CALN1: variants seen among roughly 807,000 people sequenced by gnomAD.
CALN1 encodes calcium-binding protein 8.
Under a neutral mutation model 30.6 loss-of-function variants are expected in CALN1, and 17 were observed. That is an observed-to-expected ratio of 0.56 (90% CI 0.38 to 0.83). CALN1 has a LOEUF of 0.83. CALN1 is among the 40% of genes least tolerant of loss of function. The probability of loss-of-function intolerance (pLI) is 0.00; values close to 1 mark genes in which losing one functional copy is unlikely to be tolerated. For synonymous variants in CALN1, 156 were observed against 131.4 expected (o/e 1.19, Z -1.28); for missense variants, 291 against 354.9 (o/e 0.82, Z 1.45).
At chr7:71,863,189 A>G (rs1791392445) in intron 5 of CALN1, among the ~76,000 whole-genome samples, 1 of 151,596 alleles carries the variant, frequency 6.6e-6, no homozygotes. Context: ...GGCCTGGGAG[A>G]TGGAGGCTGC....
the CALN1 span, among the ~76,000 whole-genome samples, chr7:72,467,993 G>T: frequency 6.6e-6 from 1 of 152,246 alleles, no homozygotes; most frequent in South Asian, 2.1e-4. Flanking sequence ...CTTGTAAATG[G>T]AATCATATAG....
chr7:72,054,468 C>T (rs13311911), intron 4 of CALN1, among the ~76,000 whole-genome samples: 7 of 123,074 alleles, frequency 5.7e-5, no homozygotes, highest in Admixed American at 1.9e-4. Flanking sequence ...CATATATATA[C>T]ATATATACAT....
At chr7:72,156,408 C>A (rs771650730) in intron 3 of CALN1, among the ~76,000 whole-genome samples, 1 of 152,158 alleles carries the variant, frequency 6.6e-6, no homozygotes, top group Non-Finnish European at 1.5e-5. Flanking sequence ...AGGCACTCTC[C>A]GGCAGCATCT....
intron 2 of CALN1, among the ~76,000 whole-genome samples, chr7:72,312,678 T>C (rs1445619752): frequency 6.6e-6 from 1 of 151,938 alleles, no homozygotes; most frequent in African/African-American, 2.4e-5. Context: ...AGAAGGACAA[T>C]GGCATCATTG....
At chr7:72,329,824 C>G (rs1436975421) in intron 2 of CALN1, among the ~76,000 whole-genome samples, 1 of 151,690 alleles carries the variant, frequency 6.6e-6, no homozygotes, top group African/African-American at 2.4e-5. Flanking sequence ...CGTGGTGCCA[C>G]GCACCTGTAA....
chr7:72,166,200 T>TTTTGTTTG (rs374795286), intron 3 of CALN1, among the ~76,000 whole-genome samples: 1 of 152,086 alleles, frequency 6.6e-6, no homozygotes, highest in African/African-American at 2.4e-5. Flanking sequence ...GGTTTCTGTT[T>TTTTGTTTG]TTTGTTTGTT....
At chr7:71,821,424 T>C (rs1562809877) in intron 5 of CALN1, among the ~76,000 whole-genome samples, 1 of 151,918 alleles carries the variant, frequency 6.6e-6, no homozygotes, top group Non-Finnish European at 1.5e-5. Flanking sequence ...TGGTGGAAGG[T>C]GAAAGTCATG....
intron 3 of CALN1, among the ~76,000 whole-genome samples, chr7:72,224,207 AAAAAT>A (rs2129550100): frequency 6.6e-6 from 1 of 152,344 alleles, no homozygotes; most frequent in East Asian, 1.9e-4. Flanking sequence ...TTTTAAATTA[AAAAAT>A]AAAATCTTCT....
chr7:71,864,700 C>G lies in CALN1; in HGVS notation c.502-54208G>C, dbSNP rs148401882. Among the ~76,000 whole-genome samples the G allele has an allele frequency of 7.9e-3, 1,206 of 152,224 alleles. 13 individuals are homozygous for G. The highest frequency in any genetic ancestry group is 0.027 in the African/African-American group (1,132 of 41,552). ...AAGTTTGTGGCAATCTATTATACAA[C>G]AATAGAAAATAAATGCACTGGCCAG... On this transcript the variant is annotated intron_variant, in intron 5 of 6. Transcript: ENST00000395275.
At chr7:72,247,909 G>A (rs1328538614) in intron 3 of CALN1, among the ~76,000 whole-genome samples, 2 of 152,184 alleles carry the variant, frequency 1.3e-5, no homozygotes, top group African/African-American at 2.4e-5. Flanking sequence ...GAGACAGGAG[G>A]ATGGCTTGAG....
At chr7:72,149,905 G>C (rs776062491) in intron 3 of CALN1, among the ~76,000 whole-genome samples, 1 of 151,858 alleles carries the variant, frequency 6.6e-6, no homozygotes, top group Non-Finnish European at 1.5e-5. Context: ...CCTGAGGTCA[G>C]GAATTCGAGA....
intron 6 of CALN1, among the ~76,000 whole-genome samples, chr7:71,791,407 T>A (rs937255700): frequency 1.3e-5 from 2 of 152,118 alleles, no homozygotes; most frequent in Non-Finnish European, 2.9e-5. Flanking sequence ...ACAGGAACAT[T>A]AATGGTGCTG....
chr7:72,407,202 T>C (rs1166896625), intron 1 of CALN1, among the ~76,000 whole-genome samples: 1 of 152,234 alleles, frequency 6.6e-6, no homozygotes, highest in African/African-American at 2.4e-5. Context: ...AGGGGCTGTG[T>C]GACCTTGGGC....
At chr7:72,096,221 G>C (rs1395157694) in intron 4 of CALN1, among the ~76,000 whole-genome samples, 1 of 152,156 alleles carries the variant, frequency 6.6e-6, no homozygotes, top group Non-Finnish European at 1.5e-5. Flanking sequence ...ATGGAGGAGA[G>C]AGGACACCAG....
At chr7:72,107,712 T>C (rs1368652209) in intron 3 of CALN1, among the ~76,000 whole-genome samples, 2 of 152,214 alleles carry the variant, frequency 1.3e-5, no homozygotes, top group Non-Finnish European at 2.9e-5. Context: ...AGCCCAGATA[T>C]GTCAGCTGCC....
chr7:72,280,846 T>C (rs897068971), intron 2 of CALN1, among the ~76,000 whole-genome samples: 23 of 152,136 alleles, frequency 1.5e-4, no homozygotes, highest in Admixed American at 1.5e-3. Context: ...GAGTTCCTTA[T>C]AAAAGGATGA....
intron 5 of CALN1, among the ~76,000 whole-genome samples, chr7:71,811,019 G>A (rs893877658): frequency 3.4e-5 from 5 of 149,202 alleles, no homozygotes; most frequent in East Asian, 4.1e-4. Flanking sequence ...CTCAGCCTCC[G>A]TAGTAGCTGG....
chr7:71,854,920 T>C (rs576775705), intron 5 of CALN1, among the ~76,000 whole-genome samples: 14 of 152,344 alleles, frequency 9.2e-5, no homozygotes, highest in Admixed American at 5.9e-4. Flanking sequence ...TCACAGTTCT[T>C]TGATACATCT....
chr7:72,389,167 G>A (rs972202845), intron 2 of CALN1, among the ~76,000 whole-genome samples: 1 of 152,132 alleles, frequency 6.6e-6, no homozygotes, highest in Non-Finnish European at 1.5e-5. Context: ...TCTCCATGGC[G>A]GGGCAACGCA....
Sources: allele counts gnomAD v4.1 joint callset (sites outside exome capture counted in the v4.1 genomes callset), GRCh38; gene constraint gnomAD v4.1.1; transcripts MANE v1.5; gene names NCBI Gene and HGNC (gene_info 2026-07-23, HGNC 2026-07-21).